Variants in MAN2A1 observed in about 807,000 individuals in gnomAD.
The protein encoded by MAN2A1 is mannosidase alpha class 2A member 1.
In MAN2A1, 76 loss-of-function variants were observed where a neutral mutation model predicts 142.6. That is an observed-to-expected ratio of 0.53 (90% CI 0.44 to 0.65). The LOEUF is 0.65. Among genes scored for constraint, MAN2A1 ranks in the 30% least tolerant of loss-of-function variants. The probability of loss-of-function intolerance (pLI) is 0.00; values close to 1 mark genes in which losing one functional copy is unlikely to be tolerated. For missense variants in MAN2A1, 1,311 were observed against 1,365.1 expected (o/e 0.96, Z 0.62); for synonymous variants, 559 against 473.2 (o/e 1.18, Z -2.35).
At chr5:109,849,335 G>C (rs1472959345) in intron 19 of MAN2A1, among the ~76,000 whole-genome samples, 2 of 151,988 alleles carry the variant, frequency 1.3e-5, no homozygotes, top group Non-Finnish European at 2.9e-5. Flanking sequence ...CTATCTAATT[G>C]CTTCCTGATA....
chr5:109,709,205 TAATA>T (rs1751227313), intron 1 of MAN2A1, among the ~76,000 whole-genome samples: 4 of 152,158 alleles, frequency 2.6e-5, no homozygotes, highest in Admixed American at 2.0e-4. Flanking sequence ...ATATAGCATA[TAATA>T]AATATTAAGT....
intron 1 of MAN2A1, among the ~76,000 whole-genome samples, chr5:109,708,035 G>C (rs934900926): frequency 2.1e-5 from 3 of 145,166 alleles, no homozygotes; most frequent in African/African-American, 7.3e-5. Flanking sequence ...GAGTGGATGA[G>C]ATCATGTAAG....
chr5:109,768,302 A>G (rs1262521458), intron 6 of MAN2A1, among the ~76,000 whole-genome samples: 2 of 152,112 alleles, frequency 1.3e-5, no homozygotes, highest in Non-Finnish European at 2.9e-5. Flanking sequence ...TTTAATTCAG[A>G]CCACCTTATT....
chr5:109,858,762 TAG>T (rs2112777104), intron 20 of MAN2A1, among the ~76,000 whole-genome samples: 1 of 152,368 alleles, frequency 6.6e-6, no homozygotes, highest in East Asian at 1.9e-4. Flanking sequence ...AGCACCATGA[TAG>T]AGAGTGCCCT....
chr5:109,804,857 TC>T (rs1465529101), intron 12 of MAN2A1, among the ~76,000 whole-genome samples: 2 of 152,152 alleles, frequency 1.3e-5, no homozygotes, highest in African/African-American at 4.8e-5. Flanking sequence ...AACAAAACAG[TC>T]TTATTTTACT....
At chr5:109,692,675 C>T (rs915865106) in intron 1 of MAN2A1, among the ~76,000 whole-genome samples, 1 of 152,074 alleles carries the variant, frequency 6.6e-6, no homozygotes, top group African/African-American at 2.4e-5. Context: ...CTGTTGCCTA[C>T]TGTTTAGGCT....
rs1289984413 is a variant in MAN2A1 at position 109,865,094 on chromosome 5, G to A, written c.3230G>A (p.Cys1077Tyr). The change falls in exon 21 of 22, where the codon TGT (cysteine) becomes TAT (tyrosine). Residue 1077 changes from cysteine to tyrosine, a missense_variant. By Grantham distance (194) the Cys-to-Tyr change is radical (BLOSUM62 -2). Coordinates refer to ENST00000261483, the MANE Select transcript of MAN2A1 (RefSeq NM_002372.4). Reference sequence around the variant, plus strand: ...ATCCTCCACAGAAAAGGGTTTGATTGTCGGTTCTCTAGCAAAGGCACAGGG... The same window carrying A: ...ATCCTCCACAGAAAAGGGTTTGATTATCGGTTCTCTAGCAAAGGCACAGGG... Reference protein sequence around the residue: ...ALILHRKGFDCRFSSKGTGLF... With the variant: ...ALILHRKGFDYRFSSKGTGLF... 1 of 1,614,066 alleles carries A rather than the reference G, an allele frequency of 6.2e-7. No homozygotes were observed. Among genetic ancestry groups the A allele is most frequent in the Non-Finnish European group, 8.5e-7 (1 of 1,179,958 alleles).
intron 5 of MAN2A1, among the ~76,000 whole-genome samples, chr5:109,766,472 C>T (rs1752993208): frequency 6.6e-6 from 1 of 152,058 alleles, no homozygotes; most frequent in African/African-American, 2.4e-5. Flanking sequence ...CCTGTAGATC[C>T]TGACTTTTCC....
chr5:109,739,980 C>T (rs1752220344), intron 4 of MAN2A1, among the ~76,000 whole-genome samples: 2 of 152,198 alleles, frequency 1.3e-5, no homozygotes, highest in Admixed American at 6.5e-5. Context: ...GGTCATTCCT[C>T]ACAGCACCTT....
At chr5:109,848,068 A>G (rs1204086827) in intron 19 of MAN2A1, among the ~76,000 whole-genome samples, 2 of 152,244 alleles carry the variant, frequency 1.3e-5, no homozygotes, top group African/African-American at 4.8e-5. Context: ...TTATTTTGAA[A>G]GACATAAGAA....
Position 109,819,801 on chromosome 5 carries a change from A to T in MAN2A1, c.2242A>T (p.Ile748Leu), listed in dbSNP as rs756731774. The change falls in exon 14 of 22, where the codon ATA becomes TTA. Residue 748 changes from isoleucine (I) to leucine (L), a missense_variant. By Grantham distance (5) the Ile-to-Leu change is conservative. Around this residue, in one of 3 missense-constraint regions of MAN2A1, gnomAD observed 890 missense variants for 920.5 expected, o/e 0.97. Coordinates refer to ENST00000261483, the MANE Select transcript of MAN2A1 (RefSeq NM_002372.4). ...AGTAGAAGATAGCGGAATTTTCACC[A>T]TAAAGAATATGATAAATACTGAAGA... ...NKVEDSGIFT[I>L]KNMINTEEGI... The T allele has an allele frequency of 6.2e-7, 1 of 1,611,016 alleles. No individual in the cohort carries two copies. Among genetic ancestry groups the T allele is most frequent in the Non-Finnish European group, 8.5e-7 (1 of 1,178,046 alleles).
intron 3 of MAN2A1, among the ~76,000 whole-genome samples, chr5:109,722,679 G>A (rs140892420): frequency 6.6e-6 from 1 of 152,150 alleles, no homozygotes; most frequent in African/African-American, 2.4e-5. Flanking sequence ...GCCTCCCAAA[G>A]TGCTGGGATT....
At position 109,806,321 on chromosome 5, in the gene MAN2A1, G is replaced by A. The variant is rs143545101; in HGVS notation, c.1944-10952G>A. Among the ~76,000 whole-genome samples the A allele has an allele frequency of 1.6e-3, 249 of 152,238 alleles. 2 individuals carry two copies. The highest frequency in any genetic ancestry group is 5.7e-3 in the African/African-American group (237 of 41,538). On this transcript the variant is annotated intron_variant, in intron 12 of 21. Transcript: ENST00000261483. The stretch of plus-strand genomic sequence containing the variant: ...TCTATGGCTACATAACCATGAGTAG[G>A]ATACAGAACCATTCTATGCTTCTGT...
At chr5:109,776,069 C>CTTTTT (rs35427592) in intron 8 of MAN2A1, among the ~76,000 whole-genome samples, 2 of 134,942 alleles carry the variant, frequency 1.5e-5, no homozygotes, top group Non-Finnish European at 1.6e-5. Context: ...CTTTTAAAGT[C>CTTTTT]TTTTTTTTTT....
At chr5:109,712,729 G>A (rs1751336877) in intron 1 of MAN2A1, among the ~76,000 whole-genome samples, 1 of 152,170 alleles carries the variant, frequency 6.6e-6, no homozygotes, top group South Asian at 2.1e-4. Flanking sequence ...TGACACAGTG[G>A]CCATTCACTA....
chr5:109,838,925 C>T (rs1223200803), intron 16 of MAN2A1, among the ~76,000 whole-genome samples: 5 of 152,098 alleles, frequency 3.3e-5, no homozygotes, highest in Non-Finnish European at 1.5e-5. Flanking sequence ...GTGAAATTAT[C>T]ATTTTTTCCT....
intron 16 of MAN2A1, among the ~76,000 whole-genome samples, chr5:109,832,161 CTTTTTTTTTTTTT>C (rs70999945): frequency 3.9e-5 from 2 of 51,218 alleles, no homozygotes; most frequent in South Asian, 1.0e-3. Context: ...AAGGAGTTTT[CTTTTTTTTTTTTT>C]TTTTTTTTTT....
intron 3 of MAN2A1, among the ~76,000 whole-genome samples, chr5:109,725,228 C>T (rs190332553): frequency 6.5e-4 from 99 of 152,332 alleles, no homozygotes; most frequent in African/African-American, 2.2e-3. Flanking sequence ...GCTCAGTGAT[C>T]TAGAAGACCA....
chr5:109,765,849 G>A (rs1280463471), intron 5 of MAN2A1, among the ~76,000 whole-genome samples: 1 of 152,034 alleles, frequency 6.6e-6, no homozygotes, highest in Non-Finnish European at 1.5e-5. Context: ...ATTTTAATAT[G>A]CCCCCATGAT....
Sources: allele counts gnomAD v4.1 joint callset (sites outside exome capture counted in the v4.1 genomes callset), GRCh38; gene constraint gnomAD v4.1.1; regional missense constraint gnomAD v4.1.1; transcripts MANE v1.5; gene names NCBI Gene and HGNC (gene_info 2026-07-23, HGNC 2026-07-21).